Variants in MAP4K5 observed in about 807,000 individuals in gnomAD.
MAP4K5 encodes the protein MAPK/ERK kinase kinase kinase 5.
In MAP4K5, 82 loss-of-function variants were observed where a neutral mutation model predicts 135.6. The ratio of observed to expected loss-of-function variants is 0.60; its 90% confidence interval spans 0.51 to 0.73. MAP4K5 has a LOEUF of 0.73. MAP4K5 is among the 30% of genes least tolerant of loss of function. The probability of loss-of-function intolerance (pLI) is 0.00; values close to 1 mark genes in which losing one functional copy is unlikely to be tolerated. For missense variants in MAP4K5, 907 were observed against 1,010.9 expected (o/e 0.90, Z 1.39); for synonymous variants, 347 against 335.0 (o/e 1.04, Z -0.39).
At chr14:50,464,386 T>C (rs1447189424) in intron 11 of MAP4K5, among the ~76,000 whole-genome samples, 1 of 152,186 alleles carries the variant, frequency 6.6e-6, no homozygotes, top group African/African-American at 2.4e-5. Flanking sequence ...GGCTGTGTCA[T>C]TTATATATGA....
At chr14:50,436,823 G>C (rs1231727137) in intron 26 of MAP4K5, among the ~76,000 whole-genome samples, 1 of 152,084 alleles carries the variant, frequency 6.6e-6, no homozygotes, top group Non-Finnish European at 1.5e-5. Flanking sequence ...TCCATGTTTG[G>C]TATTTTTCCT....
At chr14:50,494,110 T>C (rs933734731) in intron 3 of MAP4K5, among the ~76,000 whole-genome samples, 9 of 151,788 alleles carry the variant, frequency 5.9e-5, no homozygotes, top group African/African-American at 2.2e-4. Context: ...ATGACACAAA[T>C]AAGTGGAAAG....
Position 50,432,030 on chromosome 14 carries a change from C to A in MAP4K5, c.2164+2364G>T, listed in dbSNP as rs576144736. 5.9e-5 allele frequency among the ~76,000 whole-genome samples: 9 copies of A among 152,272 alleles called. No individual in the cohort carries two copies. In the South Asian group the frequency reaches 1.5e-3, roughly 25 times the overall value. Reference sequence around the variant, plus strand: ...GGTGAAGAATCCATATCTACAGAATCGATAAACTGTCCCTCAGGTAACACT... The same window carrying A: ...GGTGAAGAATCCATATCTACAGAATAGATAAACTGTCCCTCAGGTAACACT... On this transcript the variant is annotated intron_variant, in intron 28 of 32. Transcript: ENST00000682126.
At chr14:50,508,590 T>C (rs912802660) in intron 2 of MAP4K5, among the ~76,000 whole-genome samples, 9 of 151,646 alleles carry the variant, frequency 5.9e-5, no homozygotes, top group African/African-American at 1.9e-4. Context: ...AGGGGAGGGA[T>C]AGCATTAGGA....
chr14:50,504,837 T>G lies in MAP4K5; in HGVS notation c.129A>C (p.Gly43=), dbSNP rs1438171290. The change falls in exon 3 of 33, where the codon GGA becomes GGC. Residue 43 remains glycine (G), a synonymous_variant. Coordinates refer to ENST00000682126, the MANE Select transcript of MAP4K5 (RefSeq NM_006575.6). ...DVYKARNVHT[G]ELAAVKIIKL... ...TAATGATTTTTACTGCAGCCAGCTCTCCTGTGTGTACATTTCTGGCCTAAA... is the reference window on the plus strand; with the variant it reads ...TAATGATTTTTACTGCAGCCAGCTCGCCTGTGTGTACATTTCTGGCCTAAA... The G allele has an allele frequency of 6.4e-7, 1 of 1,556,018 alleles. No homozygotes were observed. The highest frequency in any genetic ancestry group is 1.2e-5 in the South Asian group (1 of 83,468).
rs1299686979 is a variant in MAP4K5 at position 50,418,668 on chromosome 14, AAT to A, written c.*1349_*1350del. ...TAAACCCTTACTTCCTCATCTGAAA[AAT>A]AGAGATAATACTTATTTTACAGAAT... On this transcript the variant is annotated 3_prime_UTR_variant, in exon 33 of 33. Transcript: ENST00000682126. 1 of 152,578 alleles carries A rather than the reference AAT, an allele frequency of 6.6e-6. No homozygotes were observed. Among genetic ancestry groups the A allele is most frequent in the African/African-American group, 2.4e-5 (1 of 41,456 alleles). 9.5% of individuals were successfully genotyped at this position (152,578 alleles called of 1,614,324 possible).
At chr14:50,557,342 A>G (rs1026991091) in intron 1 of MAP4K5, among the ~76,000 whole-genome samples, 1 of 152,160 alleles carries the variant, frequency 6.6e-6, no homozygotes, top group Non-Finnish European at 1.5e-5. Flanking sequence ...CATCTCCCGT[A>G]GGTGACCAAT....
Position 50,419,986 on chromosome 14 carries a change from A to G in MAP4K5, c.*33T>C. The G allele has an allele frequency of 6.9e-7, 1 of 1,447,878 alleles. No homozygotes were observed. 89.7% of individuals were successfully genotyped at this position (1,447,878 alleles called of 1,614,324 possible). ...TTTTTCCTTTCAATGGAGTATATTC[A>G]TTTTCCTGTCATTTGAGATCAGTTT... On this transcript the variant is annotated 3_prime_UTR_variant, in exon 33 of 33. Coordinates refer to ENST00000682126, the MANE Select transcript of MAP4K5 (RefSeq NM_006575.6).
At chr14:50,502,308 C>T (rs943216865) in intron 3 of MAP4K5, among the ~76,000 whole-genome samples, 2 of 152,028 alleles carry the variant, frequency 1.3e-5, no homozygotes, top group South Asian at 2.1e-4. Flanking sequence ...TATGTATGTC[C>T]GTATAGTTGC....
chr14:50,502,694 T>C (rs1330591737), intron 3 of MAP4K5, among the ~76,000 whole-genome samples: 2 of 152,076 alleles, frequency 1.3e-5, no homozygotes, highest in Non-Finnish European at 2.9e-5. Context: ...AACAAAAGTT[T>C]TGGTAATCAA....
chr14:50,481,278 T>C (rs1435059887), intron 6 of MAP4K5, among the ~76,000 whole-genome samples: 1 of 150,266 alleles, frequency 6.7e-6, no homozygotes, highest in Non-Finnish European at 1.5e-5. Flanking sequence ...TACATACATA[T>C]ATATTACACA....
intron 2 of MAP4K5, among the ~76,000 whole-genome samples, chr14:50,517,401 C>T (rs373936625): frequency 2.0e-5 from 3 of 151,948 alleles, no homozygotes; most frequent in African/African-American, 7.2e-5. Flanking sequence ...ATTCGCTCAC[C>T]TCGGCCTCCC....
At chr14:50,487,958 G>A (rs2037403423) in intron 3 of MAP4K5, among the ~76,000 whole-genome samples, 1 of 152,008 alleles carries the variant, frequency 6.6e-6, no homozygotes, top group South Asian at 2.1e-4. Context: ...GAATTACAAA[G>A]AAGAGTAAAG....
intron 14 of MAP4K5, among the ~76,000 whole-genome samples, chr14:50,453,242 AACC>A (rs1321986394): frequency 1.3e-5 from 2 of 151,812 alleles, no homozygotes; most frequent in African/African-American, 4.8e-5. Flanking sequence ...GTAACGACTC[AACC>A]ACCAATACAC....
chr14:50,538,057 A>G (rs1202278129), intron 2 of MAP4K5, among the ~76,000 whole-genome samples: 1 of 152,166 alleles, frequency 6.6e-6, no homozygotes, highest in Non-Finnish European at 1.5e-5. Context: ...CTGTGTGCCC[A>G]CCCACATCTC....
chr14:50,445,981 A>T, intron 17 of MAP4K5, 98 bp downstream of exon 17: 1 of 696,932 alleles, frequency 1.4e-6, no homozygotes, highest in Non-Finnish European at 2.2e-6. Context: ...CATCTAAAAT[A>T]CATTTAAGAA....
chr14:50,505,979 CTT>C (rs1352632164), intron 2 of MAP4K5, among the ~76,000 whole-genome samples: 9 of 152,152 alleles, frequency 5.9e-5, no homozygotes, highest in African/African-American at 2.2e-4. Context: ...ACTATACTCT[CTT>C]TGTTAATGTG....
intron 3 of MAP4K5, among the ~76,000 whole-genome samples, chr14:50,493,031 A>G (rs2037517788): frequency 6.6e-6 from 1 of 150,610 alleles, no homozygotes; most frequent in Admixed American, 6.6e-5. Context: ...CAAAAAAAAG[A>G]AAAAAAAAGG....
intron 26 of MAP4K5, among the ~76,000 whole-genome samples, chr14:50,436,349 G>C (rs1047411022): frequency 3.3e-5 from 5 of 152,180 alleles, no homozygotes; most frequent in African/African-American, 1.2e-4. Context: ...GACTGTCTTT[G>C]TCTGGGGGAC....
Sources: gnomAD v4.1 joint callset for allele counts (sites outside exome capture counted in the v4.1 genomes callset) on GRCh38, gnomAD v4.1.1 for gene constraint, MANE v1.5 for transcripts, NCBI Gene and HGNC (gene_info 2026-07-23, HGNC 2026-07-21) for gene names.